Variants in NEMP2 observed in about 807,000 individuals in gnomAD.
NEMP2 encodes UPF0571 transmembrane protein.
A neutral mutation model predicts 54.2 loss-of-function variants in NEMP2; 53 were observed. That is an observed-to-expected ratio of 0.98 (90% CI 0.78 to 1.23). The LOEUF is 1.23. Ranked by LOEUF, NEMP2 falls within the 50% of genes most tolerant of loss-of-function variation. NEMP2 has a pLI of 0.00. For missense variants in NEMP2, 455 were observed against 511.3 expected, an observed-to-expected ratio of 0.89 and a Z score of 1.06; for synonymous variants, 197 against 190.3, an observed-to-expected ratio of 1.04 and a Z score of -0.29.
chr2:190,641,255 C>T, the NEMP2 span: 2 of 152,250 alleles, frequency 1.3e-5, no homozygotes, highest in African/African-American at 2.4e-5. Context: ...TCCTCTTTCC[C>T]CACTTCCTTC....
chr2:190,469,719 C>T, the NEMP2 span: 4 of 1,179,008 alleles, frequency 3.4e-6, no homozygotes, highest in Non-Finnish European at 4.4e-6. This position sits in a 1 kb window ranked among gnomAD's most constrained non-coding sequence, Gnocchi z 5.3. Flanking sequence ...TTTTCCTTTG[C>T]TTTTTTTTAT....
At chr2:190,473,110 C>T in the NEMP2 span, among the ~76,000 whole-genome samples, 56 of 152,218 alleles carry the variant, frequency 3.7e-4, 1 homozygote, top group Admixed American at 3.3e-4. Flanking sequence ...AAGGAACAAC[C>T]GGTACCAGCT....
chr2:190,459,455 A>G, the NEMP2 span, among the ~76,000 whole-genome samples: 4 of 152,332 alleles, frequency 2.6e-5, no homozygotes, highest in Admixed American at 6.5e-5. The surrounding 1 kb of genome is among the most constrained non-coding windows in gnomAD (Gnocchi z 5.3). Context: ...ATCCTAGGAA[A>G]TTTTTAAACA....
At chr2:190,427,614 CAG>C in the NEMP2 span, among the ~76,000 whole-genome samples, 1 of 152,218 alleles carries the variant, frequency 6.6e-6, no homozygotes, top group African/African-American at 2.4e-5. Flanking sequence ...GTCTATCTTT[CAG>C]AGTCTTCTAT....
the NEMP2 span, among the ~76,000 whole-genome samples, chr2:190,584,184 A>G: frequency 1.3e-5 from 2 of 152,194 alleles, no homozygotes; most frequent in Non-Finnish European, 2.9e-5. The surrounding 1 kb of genome is among the most constrained non-coding windows in gnomAD (Gnocchi z 4.2). Context: ...TGGAAAGTAG[A>G]ATGCTTTCCT....
chr2:190,508,815 A>C lies in NEMP2; in HGVS notation c.*374T>G, dbSNP rs775736968. 3.1e-5 allele frequency: 7 copies of C among 226,810 alleles called. No individual in the cohort carries two copies. The highest frequency in any genetic ancestry group is 5.2e-5 in the Admixed American group (1 of 19,384). The allele number at this position is 226,810 out of a possible 1,614,324, so 14.0% of individuals were successfully genotyped here. On this transcript the variant is annotated 3_prime_UTR_variant, in exon 9 of 9. Transcript: ENST00000409150. The surrounding 1 kb of genome is among the most constrained non-coding windows in gnomAD (Gnocchi z 4.3). Reference sequence around the variant, plus strand: ...ACGAACTATAGGAAGAGTATTGCAGAGTCTTCTGACACAGGTTCAGGGGAT... The same window carrying C: ...ACGAACTATAGGAAGAGTATTGCAGCGTCTTCTGACACAGGTTCAGGGGAT...
chr2:190,539,107 A>T (rs987014290), upstream of NEMP2, among the ~76,000 whole-genome samples: 1 of 152,114 alleles, frequency 6.6e-6, no homozygotes, highest in Non-Finnish European at 1.5e-5. This position sits in a 1 kb window ranked among gnomAD's most constrained non-coding sequence, Gnocchi z 4.1. Flanking sequence ...CCTTTAATTC[A>T]TCTTGAGTTG....
chr2:190,470,332 G>A, the NEMP2 span, among the ~76,000 whole-genome samples: 20 of 152,010 alleles, frequency 1.3e-4, no homozygotes, highest in Admixed American at 1.2e-3. Context: ...GTTTTTCCAT[G>A]AACTTTAAAA....
the NEMP2 span, among the ~76,000 whole-genome samples, chr2:190,601,223 G>A: frequency 1.3e-5 from 2 of 152,108 alleles, no homozygotes; most frequent in Non-Finnish European, 2.9e-5. This position sits in a 1 kb window ranked among gnomAD's most constrained non-coding sequence, Gnocchi z 5.8. Flanking sequence ...GTGAAGATTG[G>A]AGTTATGCTG....
chr2:190,622,810 T>C, the NEMP2 span, among the ~76,000 whole-genome samples: 1 of 152,264 alleles, frequency 6.6e-6, no homozygotes, highest in Non-Finnish European at 1.5e-5. Flanking sequence ...CAAAGAATTT[T>C]ATTCAACATA....
the NEMP2 span, chr2:190,497,331 C>A: frequency 1.6e-6 from 2 of 1,213,406 alleles, no homozygotes; most frequent in Non-Finnish European, 2.3e-6. This position sits in a 1 kb window ranked among gnomAD's most constrained non-coding sequence, Gnocchi z 5.2. Flanking sequence ...TATTATCAAG[C>A]ACTCTGGAAT....
the NEMP2 span, among the ~76,000 whole-genome samples, chr2:190,491,017 A>G: frequency 1.3e-5 from 2 of 152,336 alleles, no homozygotes; most frequent in South Asian, 4.1e-4. This position sits in a 1 kb window ranked among gnomAD's most constrained non-coding sequence, Gnocchi z 4.2. Flanking sequence ...AAAAATAACT[A>G]TCATGGCTCT....
the NEMP2 span, among the ~76,000 whole-genome samples, chr2:190,448,884 C>G: frequency 6.6e-6 from 1 of 152,038 alleles, no homozygotes; most frequent in Non-Finnish European, 1.5e-5. Flanking sequence ...AGTTTGAAAC[C>G]CATGTGTCCT....
chr2:190,617,952 T>C, the NEMP2 span, among the ~76,000 whole-genome samples: 2 of 152,244 alleles, frequency 1.3e-5, no homozygotes, highest in Non-Finnish European at 2.9e-5. The surrounding 1 kb of genome is among the most constrained non-coding windows in gnomAD (Gnocchi z 5.0). Flanking sequence ...GCTTTTACTA[T>C]GACATTAGCT....
At chr2:190,515,117 G>A (rs981712434) in intron 6 of NEMP2, among the ~76,000 whole-genome samples, 2 of 152,154 alleles carry the variant, frequency 1.3e-5, no homozygotes, top group Non-Finnish European at 2.9e-5. Context: ...TCATTACGAT[G>A]GTGAGACTAT....
At chr2:190,439,982 C>T in the NEMP2 span, among the ~76,000 whole-genome samples, 1 of 152,166 alleles carries the variant, frequency 6.6e-6, no homozygotes, top group South Asian at 2.1e-4. This position sits in a 1 kb window ranked among gnomAD's most constrained non-coding sequence, Gnocchi z 5.8. Flanking sequence ...GAATACCATT[C>T]ATTAAGTAGT....
chr2:190,547,381 A>C, the NEMP2 span, among the ~76,000 whole-genome samples: 2 of 152,004 alleles, frequency 1.3e-5, no homozygotes, highest in Admixed American at 1.3e-4. The surrounding 1 kb of genome is among the most constrained non-coding windows in gnomAD (Gnocchi z 6.2). Flanking sequence ...TGTATTTTCT[A>C]TTTTGAAATA....
chr2:190,518,922 GAA>G, intron 3 of NEMP2, 28 bp downstream of exon 3: 1 of 1,528,384 alleles, frequency 6.5e-7, no homozygotes, highest in Non-Finnish European at 8.8e-7. Context: ...ACTGAATCCA[GAA>G]AGTCAAGTAT....
the NEMP2 span, among the ~76,000 whole-genome samples, chr2:190,431,982 C>A: frequency 6.6e-6 from 1 of 152,130 alleles, no homozygotes; most frequent in South Asian, 2.1e-4. This position sits in a 1 kb window ranked among gnomAD's most constrained non-coding sequence, Gnocchi z 4.4. Context: ...AAAGTATTTT[C>A]CTTTTTACTT....
Sources: allele counts gnomAD v4.1 joint callset (sites outside exome capture counted in the v4.1 genomes callset), GRCh38; gene constraint gnomAD v4.1.1; non-coding constraint Gnocchi (gnomAD v3.1); transcripts MANE v1.5; gene names NCBI Gene and HGNC (gene_info 2026-07-23, HGNC 2026-07-21).